Variants in CHN2 observed in about 807,000 individuals in gnomAD.
CHN2 encodes the protein beta-chimaerin.
A neutral mutation model predicts 56.3 loss-of-function variants in CHN2; 35 were observed. That is an observed-to-expected ratio of 0.62 (90% confidence interval 0.47 to 0.82). The LOEUF (loss-of-function observed/expected upper bound fraction) is 0.82. Ranked by LOEUF, CHN2 falls within the 40% of genes least tolerant of loss-of-function variation. CHN2 has a pLI of 0.00. For synonymous variants in CHN2, 210 were observed against 212.8 expected, an observed-to-expected ratio of 0.99 and a Z score of 0.12; for missense variants, 491 against 580.5, an observed-to-expected ratio of 0.85 and a Z score of 1.58.
At chr7:29,324,113 G>C (rs1795607981) in intron 1 of CHN2, among the ~76,000 whole-genome samples, 2 of 152,258 alleles carry the variant, frequency 1.3e-5, no homozygotes, top group South Asian at 4.2e-4. Flanking sequence ...CACAGGAGTG[G>C]GGTTGGTGGG....
chr7:29,378,284 A>T (rs1046481432), intron 3 of CHN2, among the ~76,000 whole-genome samples: 2 of 152,196 alleles, frequency 1.3e-5, no homozygotes, highest in Admixed American at 6.5e-5. Context: ...CTCTCCTCCC[A>T]GTGCATTAAA....
Position 29,345,540 on chromosome 7 carries a change from G to C in CHN2, c.50-9085G>C, listed in dbSNP as rs187277217. On this transcript the variant is annotated intron_variant, in intron 1 of 12. Coordinates refer to ENST00000222792, the MANE Select transcript of CHN2 (RefSeq NM_004067.4). ...CATCCCTAAGACTGGTATGGTCTTG[G>C]TGTGTTCGAGGAGCAAAAGAAAAGC... Among the ~76,000 whole-genome samples, 318 of 152,240 alleles carry C rather than the reference G, an allele frequency of 2.1e-3. 2 individuals carry two copies. Among genetic ancestry groups the C allele is most frequent in the African/African-American group, 7.2e-3 (300 of 41,528 alleles).
intron 1 of CHN2, among the ~76,000 whole-genome samples, chr7:29,348,790 T>C (rs183079362): frequency 6.6e-6 from 1 of 152,326 alleles, no homozygotes; most frequent in East Asian, 1.9e-4. Context: ...TACAAATTTA[T>C]TTCTCATTAT....
intron 1 of CHN2, among the ~76,000 whole-genome samples, chr7:29,264,645 A>C (rs1789964402): frequency 1.3e-5 from 2 of 152,002 alleles, no homozygotes; most frequent in African/African-American, 4.8e-5. Context: ...CCACTCCCTA[A>C]TCTCAACTAC....
At chr7:29,153,370 G>T (rs887668831) in intron 2 of CHN2, among the ~76,000 whole-genome samples, 2 of 152,006 alleles carry the variant, frequency 1.3e-5, no homozygotes, top group African/African-American at 4.8e-5. Flanking sequence ...TTTTTTTCTA[G>T]AAAAGTGACA....
chr7:29,498,839 G>A (rs948710787), intron 8 of CHN2, among the ~76,000 whole-genome samples: 6 of 135,754 alleles, frequency 4.4e-5, no homozygotes, highest in Non-Finnish European at 6.0e-5. Context: ...TCAGCTTACT[G>A]CAACCTCTGC....
chr7:29,430,133 C>T (rs1413500015), intron 6 of CHN2, among the ~76,000 whole-genome samples: 23 of 152,104 alleles, frequency 1.5e-4, no homozygotes, highest in Admixed American at 1.5e-3. Context: ...TAACAGAGTC[C>T]AGCTAAAAGA....
At chr7:29,183,373 C>T (rs958715825) in intron 2 of CHN2, among the ~76,000 whole-genome samples, 4 of 150,374 alleles carry the variant, frequency 2.7e-5, no homozygotes, top group Admixed American at 1.3e-4. Context: ...TGTGAGCCAC[C>T]GTGCCTAGCC....
chr7:29,433,114 C>A (rs908769298), intron 6 of CHN2, among the ~76,000 whole-genome samples: 19 of 152,228 alleles, frequency 1.2e-4, no homozygotes, highest in African/African-American at 4.6e-4. Context: ...TCAGCAGACA[C>A]TTATCATGAC....
intron 1 of CHN2, among the ~76,000 whole-genome samples, chr7:29,238,335 AATT>A (rs1787365894): frequency 6.6e-6 from 1 of 152,142 alleles, no homozygotes; most frequent in Non-Finnish European, 1.5e-5. Flanking sequence ...TTCTTTATGA[AATT>A]AAAACTTCGG....
At chr7:29,340,945 G>A (rs373974545) in intron 1 of CHN2, among the ~76,000 whole-genome samples, 24 of 152,292 alleles carry the variant, frequency 1.6e-4, no homozygotes, top group African/African-American at 5.8e-4. Flanking sequence ...GTAGGAGAAT[G>A]CAGCTGCTAG....
At chr7:29,169,752 G>A (rs1189863193) in intron 2 of CHN2, among the ~76,000 whole-genome samples, 1 of 152,052 alleles carries the variant, frequency 6.6e-6, no homozygotes, top group Admixed American at 6.5e-5. Context: ...ACCACTGTTT[G>A]CTCAGTCAGA....
intron 1 of CHN2, among the ~76,000 whole-genome samples, chr7:29,337,974 C>T (rs751902798): frequency 7.2e-5 from 11 of 152,198 alleles, no homozygotes; most frequent in Non-Finnish European, 1.5e-4. Flanking sequence ...CTCCCAGTCT[C>T]AGGAGGCTTC....
intron 1 of CHN2, among the ~76,000 whole-genome samples, chr7:29,301,988 T>G (rs766044489): frequency 1.3e-5 from 2 of 152,128 alleles, no homozygotes; most frequent in African/African-American, 2.4e-5. Flanking sequence ...GCACTGAAAT[T>G]TGTGAGATGC....
At chr7:29,285,188 G>A (rs955216819) in intron 1 of CHN2, among the ~76,000 whole-genome samples, 1 of 152,180 alleles carries the variant, frequency 6.6e-6, no homozygotes, top group Non-Finnish European at 1.5e-5. Context: ...CTGACACCTT[G>A]TTCCTTTGGA....
intron 1 of CHN2, among the ~76,000 whole-genome samples, chr7:29,352,345 T>A (rs1797943124): frequency 8.6e-6 from 1 of 115,830 alleles, no homozygotes; most frequent in South Asian, 3.1e-4. Flanking sequence ...TTGTGTGCAG[T>A]CTGTCGTGTG....
chr7:29,173,990 C>T (rs1584554433), intron 2 of CHN2, among the ~76,000 whole-genome samples: 2 of 151,968 alleles, frequency 1.3e-5, no homozygotes, highest in African/African-American at 4.8e-5. Context: ...AGTATGCACT[C>T]ATATCTCATA....
chr7:29,489,053 C>T (rs1342938937), intron 7 of CHN2, among the ~76,000 whole-genome samples: 1 of 152,208 alleles, frequency 6.6e-6, no homozygotes, highest in Non-Finnish European at 1.5e-5. Flanking sequence ...CCAGAGAATA[C>T]TGCCTTCCAG....
chr7:29,433,682 C>T (rs1263683871), intron 6 of CHN2, among the ~76,000 whole-genome samples: 1 of 151,940 alleles, frequency 6.6e-6, no homozygotes, highest in Non-Finnish European at 1.5e-5. Flanking sequence ...ACTAAAAATA[C>T]AAAAAAGTTA....
Sources: gnomAD v4.1 joint callset for allele counts (sites outside exome capture counted in the v4.1 genomes callset) on GRCh38, gnomAD v4.1.1 for gene constraint, MANE v1.5 for transcripts, NCBI Gene and HGNC (gene_info 2026-07-23, HGNC 2026-07-21) for gene names.